Variants in SULT4A1 observed in about 807,000 individuals in gnomAD.
SULT4A1 encodes sulfotransferase 4A1.
Under a neutral mutation model 35.2 loss-of-function variants are expected in SULT4A1, and 11 were observed. That is an observed-to-expected ratio of 0.31 (90% CI 0.20 to 0.52). The LOEUF is 0.52. Ranked by LOEUF, SULT4A1 falls within the 20% of genes least tolerant of loss-of-function variation. The probability of loss-of-function intolerance (pLI) is 0.97; values close to 1 mark genes in which losing one functional copy is unlikely to be tolerated. For missense variants in SULT4A1, 271 were observed against 383.7 expected (o/e 0.71, Z 2.45); for synonymous variants, 152 against 151.8 (o/e 1.00, Z -0.01).
intron 1 of SULT4A1, among the ~76,000 whole-genome samples, chr22:43,854,580 C>T (rs896310894): frequency 1.3e-5 from 2 of 152,248 alleles, no homozygotes; most frequent in South Asian, 4.1e-4. Context: ...ACCTGCAGCG[C>T]TGGTGAGGGC....
At chr22:43,855,078 C>T (rs2148305727) in intron 1 of SULT4A1, among the ~76,000 whole-genome samples, 1 of 152,290 alleles carries the variant, frequency 6.6e-6, no homozygotes, top group South Asian at 2.1e-4. Context: ...CCACAGAGCA[C>T]CCTCCAGGCA....
At chr22:43,828,886 T>G (rs2063306327) in intron 6 of SULT4A1, 174 bp downstream of exon 6, 3 of 648,242 alleles carry the variant, frequency 4.6e-6, no homozygotes, top group Non-Finnish European at 7.5e-6. Flanking sequence ...CCATGAGCAC[T>G]GTGCCATCCA....
chr22:43,847,704 G>A lies in SULT4A1; in HGVS notation c.170-5772C>T, dbSNP rs73428870. Among the ~76,000 whole-genome samples, 723 of 152,218 alleles carry A rather than the reference G, an allele frequency of 4.7e-3. 8 individuals carry two copies. Among genetic ancestry groups the A allele is most frequent in the African/African-American group, 0.017 (687 of 41,544 alleles). On this transcript the variant is annotated intron_variant, in intron 1 of 6. Transcript: ENST00000330884. ...GGGCTTGCTCTGTGGGTCACTGCTC[G>A]CAGGAAGCCCTCCCTAACAACACGC...
chr22:43,835,566 C>T (rs2063364199), intron 4 of SULT4A1, among the ~76,000 whole-genome samples: 1 of 152,170 alleles, frequency 6.6e-6, no homozygotes, highest in Non-Finnish European at 1.5e-5. Context: ...AAGAGACTTG[C>T]CCAAGTCACC....
In SULT4A1 at chr22:43,832,389, C is replaced by T. The variant is rs187317485; in HGVS notation, c.603+1251G>A. Among the ~76,000 whole-genome samples the T allele has an allele frequency of 3.4e-3, 512 of 152,292 alleles. 4 individuals carry two copies. Among genetic ancestry groups the T allele is most frequent in the African/African-American group, 0.011 (468 of 41,554 alleles). On this transcript the variant is annotated intron_variant, in intron 5 of 6. Coordinates refer to ENST00000330884, the MANE Select transcript of SULT4A1 (RefSeq NM_014351.4). Reference sequence around the variant, plus strand: ...GGTGAGGACCCATGTGGGGAACCGACAGCATGCGCCAGCCGGCAGCAGACC... The same window carrying T: ...GGTGAGGACCCATGTGGGGAACCGATAGCATGCGCCAGCCGGCAGCAGACC...
intron 1 of SULT4A1, among the ~76,000 whole-genome samples, chr22:43,847,222 C>T (rs1363542725): frequency 3.3e-5 from 5 of 152,094 alleles, no homozygotes; most frequent in South Asian, 4.2e-4. Context: ...CCACGAAACA[C>T]GCAGGGAACA....
At chr22:43,838,426 C>A (rs2063395272) in intron 4 of SULT4A1, among the ~76,000 whole-genome samples, 1 of 151,992 alleles carries the variant, frequency 6.6e-6, no homozygotes, top group African/African-American at 2.4e-5. Context: ...GTGCCCTGCC[C>A]CAGTAGCTTG....
intron 1 of SULT4A1, among the ~76,000 whole-genome samples, 195 bp downstream of exon 1, chr22:43,862,019 C>T (rs1256508264): frequency 3.3e-5 from 5 of 152,158 alleles, no homozygotes; most frequent in Non-Finnish European, 5.9e-5. Flanking sequence ...GAGAACCAAG[C>T]CCCTTCCCAC....
intron 6 of SULT4A1, among the ~76,000 whole-genome samples, chr22:43,827,847 A>C (rs1306209835): frequency 1.3e-5 from 2 of 152,124 alleles, no homozygotes; most frequent in Admixed American, 1.3e-4. Flanking sequence ...GCAAAAGCAA[A>C]ACTAAAAAAG....
rs536168202 is a variant in SULT4A1 at position 43,833,283 on chromosome 22, C to T, written c.603+357G>A. Among the ~76,000 whole-genome samples, 30 of 152,268 alleles carry T rather than the reference C, an allele frequency of 2.0e-4. No homozygotes were observed. In the South Asian group the frequency reaches 6.2e-3, roughly 32 times the overall value. Reference sequence around the variant, plus strand: ...TGGTGACCCAGGCTCCCCAAGCTACCAGCTGCCTCGTGTCTCACTGCAGAC... The same window carrying T: ...TGGTGACCCAGGCTCCCCAAGCTACTAGCTGCCTCGTGTCTCACTGCAGAC... On this transcript the variant is annotated intron_variant, in intron 5 of 6. Transcript: ENST00000330884.
In SULT4A1 at chr22:43,850,796, C is replaced by T. The variant is rs925784176; in HGVS notation, c.170-8864G>A. On this transcript the variant is annotated intron_variant, in intron 1 of 6. Coordinates refer to ENST00000330884, the MANE Select transcript of SULT4A1 (RefSeq NM_014351.4). ...CCTCCCATGTGAGGGACAGTCTGGT[C>T]GGGTACAGAAGCCCAGGCTGGAGAT... 3.3e-5 allele frequency among the ~76,000 whole-genome samples: 5 copies of T among 152,220 alleles called. No homozygotes were observed. The South Asian group carries it at 6.2e-4, about 19-fold the overall frequency.
intron 1 of SULT4A1, among the ~76,000 whole-genome samples, chr22:43,861,641 G>A (rs2049469646): frequency 6.6e-6 from 1 of 152,212 alleles, no homozygotes; most frequent in African/African-American, 2.4e-5. Context: ...GTCCTGCCTC[G>A]GTGATGGAGG....
chr22:43,826,214 TC>T, intron 6 of SULT4A1, 101 bp from the exon 7 acceptor site: 1 of 1,545,230 alleles, frequency 6.5e-7, no homozygotes, highest in Non-Finnish European at 8.7e-7. Flanking sequence ...CCAGATCTAT[TC>T]CTGGATCCCT....
At chr22:43,845,903 C>T (rs1326171335) in intron 1 of SULT4A1, among the ~76,000 whole-genome samples, 2 of 152,226 alleles carry the variant, frequency 1.3e-5, no homozygotes, top group Non-Finnish European at 2.9e-5. Context: ...CCATCCCCAT[C>T]ACCCACCACC....
chr22:43,835,118 ACACCGCAGCCCTGAGCTTCCCGCGCCCC>A (rs562035418), intron 4 of SULT4A1, among the ~76,000 whole-genome samples: 2,232 of 64,496 alleles, frequency 0.035, 30 homozygotes, highest in Middle Eastern at 0.073. Context: ...TCCCGCAGCC[ACACCGCAGCCCTGAGCTTCCCGCGCCCC>A]CACCGCAGCC....
chr22:43,837,538 G>A (rs1457666836), intron 4 of SULT4A1, among the ~76,000 whole-genome samples: 3 of 152,210 alleles, frequency 2.0e-5, no homozygotes, highest in Admixed American at 1.3e-4. Flanking sequence ...GGGCTGGACA[G>A]AAGGCCCAGA....
intron 5 of SULT4A1, among the ~76,000 whole-genome samples, chr22:43,832,985 A>G (rs980796315): frequency 6.6e-6 from 1 of 152,080 alleles, no homozygotes; most frequent in Non-Finnish European, 1.5e-5. Flanking sequence ...TGTCCCCTAC[A>G]TCGACATGGT....
At chr22:43,856,067 A>G (rs532533565) in intron 1 of SULT4A1, among the ~76,000 whole-genome samples, 1 of 152,342 alleles carries the variant, frequency 6.6e-6, no homozygotes, top group Non-Finnish European at 1.5e-5. Context: ...TTCACACCCA[A>G]ACACAGGCTC....
Position 43,849,837 on chromosome 22 carries a change from C to T in SULT4A1, c.170-7905G>A, listed in dbSNP as rs8142419. On this transcript the variant is annotated intron_variant, in intron 1 of 6. Coordinates refer to ENST00000330884, the MANE Select transcript of SULT4A1 (RefSeq NM_014351.4). ...GCCTCACATGAAAAGGCAGAGGGGCCCACTGAGCTGGTAACACTTAAGCCC... is the reference window on the plus strand; with the variant it reads ...GCCTCACATGAAAAGGCAGAGGGGCTCACTGAGCTGGTAACACTTAAGCCC... Among the ~76,000 whole-genome samples, 686 of 152,298 alleles carry T rather than the reference C, an allele frequency of 4.5e-3. 10 individuals are homozygous for T. Among genetic ancestry groups the T allele is most frequent in the African/African-American group, 0.016 (645 of 41,560 alleles).
Sources: allele counts gnomAD v4.1 joint callset (sites outside exome capture counted in the v4.1 genomes callset), GRCh38; gene constraint gnomAD v4.1.1; transcripts MANE v1.5; gene names NCBI Gene and HGNC (gene_info 2026-07-23, HGNC 2026-07-21).